CRACR2A: variants seen among roughly 807,000 people sequenced by gnomAD.
CRACR2A encodes the protein calcium release activated channel regulator 2A.
In CRACR2A, 79 loss-of-function variants were observed where a neutral mutation model predicts 90.5. The ratio of observed to expected loss-of-function variants is 0.87; its 90% confidence interval spans 0.73 to 1.05. The LOEUF (loss-of-function observed/expected upper bound fraction) is 1.05. CRACR2A is among the 50% of genes least tolerant of loss of function. The pLI, the probability that CRACR2A is intolerant of heterozygous loss-of-function variation, is 0.00. For synonymous variants in CRACR2A, 338 were observed against 356.7 expected (o/e 0.95, Z 0.59); for missense variants, 823 against 897.2 (o/e 0.92, Z 1.06).
intron 1 of CRACR2A, among the ~76,000 whole-genome samples, chr12:3,737,169 T>A (rs1286707555): frequency 6.6e-6 from 1 of 152,170 alleles, no homozygotes; most frequent in African/African-American, 2.4e-5. Flanking sequence ...GAAAGGAAAT[T>A]ACATTTCTGT....
chr12:3,623,611 T>C (rs1944194604), intron 17 of CRACR2A, among the ~76,000 whole-genome samples: 1 of 152,208 alleles, frequency 6.6e-6, no homozygotes. Flanking sequence ...ATTGGAATGG[T>C]TAAACCAATT....
In CRACR2A at chr12:3,638,213, C is replaced by A. The variant is rs962413675; in HGVS notation, c.1513G>T (p.Val505Leu). ...SEEEEVSDQG[V>L]QGQIPEAPPL... ...GGGGCCTCCGGGATTTGTCCCTGTA[C>A]CCCCTGGTCAGAGACCTCTTCCTCT... The change falls in exon 14 of 20, where the codon GTA becomes TTA. Residue 505 changes from valine to leucine, a missense_variant. Val to Leu is a conservative substitution (Grantham distance 32, BLOSUM62 1). Transcript: ENST00000440314. 27 of 1,551,526 alleles carry A rather than the reference C, an allele frequency of 1.7e-5. No homozygotes were observed. The highest frequency in any genetic ancestry group is 2.3e-5 in the Non-Finnish European group (26 of 1,146,980).
In CRACR2A at chr12:3,648,626, C is replaced by A; in HGVS notation, c.1047-13G>T. ...ACGGTACACTTCCCTGAGGAGGAGG[C>A]AAACACATGGCAGTGAGCTCCCAGG... On this transcript the variant is annotated splice_polypyrimidine_tract_variant and intron_variant, in intron 10 of 19. Coordinates refer to ENST00000440314, the MANE Select transcript of CRACR2A (RefSeq NM_001144958.2). 6.2e-7 allele frequency: 1 copy of A among 1,608,842 alleles called. No individual in the cohort carries two copies. The highest frequency in any genetic ancestry group is 1.7e-5 in the Admixed American group (1 of 59,862).
At position 3,711,644 on chromosome 12, in the gene CRACR2A, T is replaced by TCTC. The variant is rs25558; in HGVS notation, c.-37+1592_-37+1593insGAG. 0.28 allele frequency among the ~76,000 whole-genome samples: 42,653 copies of TCTC among 151,958 alleles called. 6,166 individuals carry two copies. Among genetic ancestry groups the TCTC allele is most frequent in the Admixed American group, 0.33 (5,112 of 15,282 alleles). The stretch of plus-strand genomic sequence containing the variant: ...GAGGCCTTCTCTACAGCTCTTCTCT[T>TCTC]CTTCTGAGCCCTCACCAGAACCACC... On this transcript the variant is annotated intron_variant, in intron 3 of 19. Transcript: ENST00000440314. The surrounding 1 kb of genome is among the most constrained non-coding windows in gnomAD (Gnocchi z 4.3).
chr12:3,685,162 G>A (rs1458777480), intron 4 of CRACR2A, among the ~76,000 whole-genome samples: 2 of 152,210 alleles, frequency 1.3e-5, no homozygotes, highest in South Asian at 2.1e-4. Context: ...CAAAATTGCC[G>A]CCACTCATGT....
intron 2 of CRACR2A, among the ~76,000 whole-genome samples, chr12:3,719,202 G>C (rs1171178756): frequency 6.6e-6 from 1 of 152,164 alleles, no homozygotes; most frequent in African/African-American, 2.4e-5. Flanking sequence ...TCTTTCTACT[G>C]AATCCCTTAC....
At chr12:3,618,392 A>G (rs1048192168) in intron 18 of CRACR2A, among the ~76,000 whole-genome samples, 1 of 152,230 alleles carries the variant, frequency 6.6e-6, no homozygotes, top group African/African-American at 2.4e-5. Context: ...AACCATGAAT[A>G]GCCTCGTGTC....
At chr12:3,678,330 A>C (rs1945374195) in intron 6 of CRACR2A, among the ~76,000 whole-genome samples, 1 of 152,168 alleles carries the variant, frequency 6.6e-6, no homozygotes, top group Admixed American at 6.5e-5. Flanking sequence ...ACAATTTTCC[A>C]AGTAGTGGCC....
Position 3,678,967 on chromosome 12 carries a change from CT to C in CRACR2A, c.471del (p.Ala158ProfsTer6), listed in dbSNP as rs1344351357. 6.2e-7 allele frequency: 1 copy of C among 1,613,714 alleles called. No individual in the cohort carries two copies. The highest frequency in any genetic ancestry group is 1.1e-5 in the South Asian group (1 of 90,970). On this transcript the variant is annotated frameshift_variant, in exon 6 of 20. Transcript: ENST00000440314. LOFTEE classifies it high-confidence loss of function. ...EDLGDMGEDE[E>X]AQFRMLMDRL... Reference sequence around the variant, plus strand: ...CTGTCCATCAGCATCCGGAACTGGGCTTCCTCATCTTCGCCCATGTCGCCCA... The same window carrying C: ...CTGTCCATCAGCATCCGGAACTGGGCTCCTCATCTTCGCCCATGTCGCCCA...
At chr12:3,727,864 G>A (rs1946296526) in intron 2 of CRACR2A, 1 of 151,914 alleles carries the variant, frequency 6.6e-6, no homozygotes, top group Non-Finnish European at 1.5e-5. Flanking sequence ...ACTTGCAGGT[G>A]TACCTCCTGA....
chr12:3,698,747 G>A (rs187752924), intron 3 of CRACR2A, among the ~76,000 whole-genome samples: 8 of 152,354 alleles, frequency 5.3e-5, no homozygotes, highest in Non-Finnish European at 1.0e-4. Context: ...ATGGAAGCCT[G>A]AGGGGGCAGG....
intron 7 of CRACR2A, among the ~76,000 whole-genome samples, chr12:3,660,887 C>CACACACACACACACACACACA (rs1271154180): frequency 4.2e-5 from 5 of 118,870 alleles, no homozygotes; most frequent in Admixed American, 3.8e-4. Flanking sequence ...CACACACACA[C>CACACACACACACACACACACA]AATTTTGGCC....
At chr12:3,615,595 C>T (rs565387924) in intron 19 of CRACR2A, among the ~76,000 whole-genome samples, 156 bp from the exon 20 acceptor site, 3 of 152,304 alleles carry the variant, frequency 2.0e-5, no homozygotes, top group East Asian at 1.9e-4. Context: ...AACATCCCCC[C>T]CTGGACAGTA....
Position 3,672,735 on chromosome 12 carries a change from G to A in CRACR2A, c.671+711C>T, listed in dbSNP as rs1945269318. 8 of 985,312 alleles carry A rather than the reference G, an allele frequency of 8.1e-6. No individual in the cohort carries two copies. In the South Asian group the frequency reaches 3.8e-4, roughly 46 times the overall value. The allele number at this position is 985,312 out of a possible 1,614,324, so 61.0% of individuals were successfully genotyped here. On this transcript the variant is annotated intron_variant, in intron 7 of 19. Coordinates refer to ENST00000440314, the MANE Select transcript of CRACR2A (RefSeq NM_001144958.2). ...CCCCAGTTTTGTGATATACCTGCCT[G>A]TTCTGACTCTGGTTCAGTTCTTCAG...
chr12:3,735,447 T>C (rs73247878), intron 1 of CRACR2A, among the ~76,000 whole-genome samples: 23,888 of 152,150 alleles, frequency 0.16, 2,075 homozygotes, highest in African/African-American at 0.2. Flanking sequence ...AGGCAGACAT[T>C]CACAACTGAG....
Position 3,654,257 on chromosome 12 carries a change from T to C in CRACR2A, c.1001A>G (p.Glu334Gly). 6.2e-7 allele frequency: 1 copy of C among 1,613,784 alleles called. No individual in the cohort carries two copies. Among genetic ancestry groups the C allele is most frequent in the African/African-American group, 1.3e-5 (1 of 74,998 alleles). The change falls in exon 10 of 20, where the codon GAA (glutamate) becomes GGA (glycine). Residue 334 changes from glutamate (E) to glycine (G), a missense_variant. Coordinates refer to ENST00000440314, the MANE Select transcript of CRACR2A (RefSeq NM_001144958.2). ...WELQDAQQQL[E>G]SLQQEACKLH... Reference sequence around the variant, plus strand: ...TTTGCAGGCCTCTTGCTGGAGGCTTTCCAACTGCTGCTGAGCATCCTGGAG... The same window carrying C: ...TTTGCAGGCCTCTTGCTGGAGGCTTCCCAACTGCTGCTGAGCATCCTGGAG...
chr12:3,681,055 G>C (rs370518408), intron 4 of CRACR2A, among the ~76,000 whole-genome samples: 2 of 151,572 alleles, frequency 1.3e-5, no homozygotes, highest in East Asian at 3.9e-4. Flanking sequence ...ACCACGATGC[G>C]GGTGCGGGTC....
chr12:3,744,540 C>A (rs1946579763), intron 1 of CRACR2A, among the ~76,000 whole-genome samples: 1 of 152,178 alleles, frequency 6.6e-6, no homozygotes, highest in Non-Finnish European at 1.5e-5. Context: ...ATCTGTGGTG[C>A]TCACTTTCCT....
chr12:3,633,785 C>T lies in CRACR2A; in HGVS notation c.1603-49G>A, dbSNP rs761912765. 1 of 1,548,700 alleles carries T rather than the reference C, an allele frequency of 6.5e-7. No homozygotes were observed. Among genetic ancestry groups the T allele is most frequent in the Non-Finnish European group, 8.7e-7 (1 of 1,146,298 alleles). ...CAACTGCAGGGAATAGTCTTGCCAG[C>T]CCCTGCCCCTGCCACCAGAGGCCCT... On this transcript the variant is annotated intron_variant, in intron 14 of 19. Coordinates refer to ENST00000440314, the MANE Select transcript of CRACR2A (RefSeq NM_001144958.2). This position sits in a 1 kb window ranked among gnomAD's most constrained non-coding sequence, Gnocchi z 4.5.
Sources: gnomAD v4.1 joint callset for allele counts (sites outside exome capture counted in the v4.1 genomes callset) on GRCh38, gnomAD v4.1.1 for gene constraint, Gnocchi (gnomAD v3.1) non-coding constraint, MANE v1.5 for transcripts, NCBI Gene and HGNC (gene_info 2026-07-23, HGNC 2026-07-21) for gene names.